Variants in RSRC2 observed in about 807,000 individuals in gnomAD.
RSRC2 encodes the protein arginine and serine rich coiled-coil 2.
Under a neutral mutation model 61.3 loss-of-function variants are expected in RSRC2, and 5 were observed. The ratio of observed to expected loss-of-function variants is 0.08; its 90% CI spans 0.04 to 0.17. RSRC2 has a LOEUF of 0.17. RSRC2 is among the 10% of genes least tolerant of loss of function. RSRC2 has a pLI of 1.00. For missense variants in RSRC2, 381 were observed against 518.8 expected, an observed-to-expected ratio of 0.73 and a Z score of 2.58; for synonymous variants, 202 against 166.5, an observed-to-expected ratio of 1.21 and a Z score of -1.64.
chr12:122,526,748 C>T (rs1960577071), intron 1 of RSRC2, 100 bp downstream of exon 1: 13 of 1,392,724 alleles, frequency 9.3e-6, no homozygotes, highest in South Asian at 9.3e-5. Flanking sequence ...GCCATTTTGT[C>T]TACACACATA....
In RSRC2 at chr12:122,514,509, G is replaced by A. The variant is rs949121457; in HGVS notation, c.725+596C>T. 18 of 749,290 alleles carry A rather than the reference G, an allele frequency of 2.4e-5. No homozygotes were observed. The African/African-American group carries it at 2.7e-4, about 11-fold the overall frequency. 46.4% of individuals were successfully genotyped at this position (749,290 alleles called of 1,614,324 possible). The stretch of plus-strand genomic sequence containing the variant: ...CCCAACTCCTGACCTCAAGTGATCC[G>A]CCCGCCTCGGCCTCCCAAAATGCCG... On this transcript the variant is annotated intron_variant, in intron 6 of 9. Transcript: ENST00000331738.
At chr12:122,512,340 T>C (rs1263101509) in intron 6 of RSRC2, among the ~76,000 whole-genome samples, 2 of 152,180 alleles carry the variant, frequency 1.3e-5, no homozygotes, top group Non-Finnish European at 2.9e-5. Context: ...CTCTGTAATG[T>C]GGTATAAAGG....
Position 122,519,001 on chromosome 12 carries a change from G to A in RSRC2, c.236C>T (p.Ser79Phe), listed in dbSNP as rs1959128425. 6.2e-7 allele frequency: 1 copy of A among 1,613,514 alleles called. No homozygotes were observed. ...EGRRHESKDKSSKKHKSEEHN... is the reference protein window; with the variant it reads ...EGRRHESKDKFSKKHKSEEHN... ...TTCCTCAGACTTATGTTTCTTAGAGGATTTATCTTTGGATTCATGTCTTCT... is the reference window on the plus strand; with the variant it reads ...TTCCTCAGACTTATGTTTCTTAGAGAATTTATCTTTGGATTCATGTCTTCT... The change falls in exon 4 of 10, where the codon TCC (serine) becomes TTC (phenylalanine). Residue 79 changes from serine to phenylalanine, a missense_variant. Coordinates refer to ENST00000331738, the MANE Select transcript of RSRC2 (RefSeq NM_023012.6).
intron 6 of RSRC2, among the ~76,000 whole-genome samples, chr12:122,514,125 GATTTT>G (rs1413338375): frequency 1.3e-5 from 2 of 152,064 alleles, no homozygotes; most frequent in African/African-American, 4.8e-5. Flanking sequence ...CAAGTGCTTG[GATTTT>G]ATTTTACTTT....
Position 122,514,271 on chromosome 12 carries a change from T to TG in RSRC2, c.725+833_725+834insC, listed in dbSNP as rs1207625329. Reference sequence around the variant, plus strand: ...ATTTTTGTGTGTGTGTGTGTGTGTGTTTTTTTTTTTTGAGACTGAGTCTCG... The same window carrying TG: ...ATTTTTGTGTGTGTGTGTGTGTGTGTGTTTTTTTTTTTGAGACTGAGTCTCG... On this transcript the variant is annotated intron_variant, in intron 6 of 9. Coordinates refer to ENST00000331738, the MANE Select transcript of RSRC2 (RefSeq NM_023012.6). Among the ~76,000 whole-genome samples, 12 of 97,972 alleles carry TG rather than the reference T, an allele frequency of 1.2e-4. 1 individual carries two copies. The South Asian group carries it at 3.3e-3, about 27-fold the overall frequency. The allele number at this position is 97,972 out of a possible 152,430, so 64.3% of individuals were successfully genotyped here.
rs1224722725 is a variant in RSRC2, at chr12:122,522,266, C to G, written c.40G>C (p.Glu14Gln). The part of the protein sequence containing the change: ...SDTERDGLAP[E>Q]KTSPDRDKKK... Reference sequence around the variant, plus strand: ...TTATCTCTATCTGGTGATGTCTTTTCTGGGGCTAGTCCATCTCGCTCTGTA... The same window carrying G: ...TTATCTCTATCTGGTGATGTCTTTTGTGGGGCTAGTCCATCTCGCTCTGTA... Residue 14 changes from glutamate to glutamine, a missense_variant, in exon 2 of 10, where the codon GAA (glutamate) becomes CAA (glutamine). Physicochemically the swap from Glu to Gln is conservative, Grantham distance 29. Around this residue, in one of 4 missense-constraint regions of RSRC2, gnomAD observed 266 missense variants for 270.5 expected, o/e 0.98. Coordinates refer to ENST00000331738, the MANE Select transcript of RSRC2 (RefSeq NM_023012.6). 6.2e-7 allele frequency: 1 copy of G among 1,613,430 alleles called. No individual in the cohort carries two copies. The highest frequency in any genetic ancestry group is 1.1e-5 in the South Asian group (1 of 90,970).
At chr12:122,507,855 GGCA>G in intron 8 of RSRC2, 10 of 269,354 alleles carry the variant, frequency 3.7e-5, no homozygotes, top group East Asian at 1.8e-4. Flanking sequence ...CTGGCTAAGT[GGCA>G]TGATCTTGGC....
intron 3 of RSRC2, chr12:122,520,447 C>T (rs1365185766): frequency 5.8e-5 from 57 of 985,916 alleles, no homozygotes; most frequent in Non-Finnish European, 8.1e-5. Context: ...CATTAAAACC[C>T]TTAACTGATT....
Position 122,521,391 on chromosome 12 carries a change from G to GCTT in RSRC2, c.198_200dup (p.Arg66dup). On this transcript the variant is annotated inframe_insertion, in exon 3 of 10. Transcript: ENST00000331738. ...ACTACAAAGTGTTAATTACCTCTTT[G>GCTT]CTTCTGCTCCGGCTCCTGTGTTTTC... 6.2e-7 allele frequency: 1 copy of GCTT among 1,611,152 alleles called. No homozygotes were observed. Among genetic ancestry groups the GCTT allele is most frequent in the East Asian group, 2.2e-5 (1 of 44,818 alleles).
At chr12:122,516,656 G>C (rs143169613) in intron 5 of RSRC2, among the ~76,000 whole-genome samples, 31 of 152,290 alleles carry the variant, frequency 2.0e-4, no homozygotes, top group African/African-American at 7.0e-4. Context: ...AGTTATTTGT[G>C]ATAATAAAAT....
Position 122,519,345 on chromosome 12 carries a change from A to G in RSRC2, c.208-316T>C, listed in dbSNP as rs1309910052. On this transcript the variant is annotated intron_variant, in intron 3 of 9. Transcript: ENST00000331738. Reference sequence around the variant, plus strand: ...CCCTTATGTTTATCTAAAAGAATACAGACCATGTATATACATCAACTTCTA... The same window carrying G: ...CCCTTATGTTTATCTAAAAGAATACGGACCATGTATATACATCAACTTCTA... 5 of 279,736 alleles carry G rather than the reference A, an allele frequency of 1.8e-5. No individual in the cohort carries two copies. The East Asian group carries it at 4.1e-4, about 23-fold the overall frequency. The allele number at this position is 279,736 out of a possible 1,614,324, so 17.3% of individuals were successfully genotyped here. A position where few individuals can be genotyped will look rare whatever the true frequency, so the allele number is the denominator to read the frequency against.
At chr12:122,515,061 AT>A (rs767582217) in intron 6 of RSRC2, 43 bp downstream of exon 6, 1 of 1,595,288 alleles carries the variant, frequency 6.3e-7, no homozygotes, top group South Asian at 1.1e-5. Context: ...TTGAGCATTT[AT>A]TTAAAGGCGA....
chr12:122,510,122 T>G (rs973935655), intron 7 of RSRC2, among the ~76,000 whole-genome samples: 4 of 152,130 alleles, frequency 2.6e-5, no homozygotes, highest in African/African-American at 9.7e-5. Context: ...GAGCCAGGCC[T>G]GATAATTTTT....
intron 8 of RSRC2, 178 bp downstream of exon 8, chr12:122,508,040 C>T (rs368629852): frequency 3.0e-6 from 2 of 669,002 alleles, no homozygotes; most frequent in Non-Finnish European, 2.7e-6. Context: ...CTTACCTCAA[C>T]TGATCCGCTC....
At position 122,518,872 on chromosome 12, in the gene RSRC2, C is replaced by T; in HGVS notation, c.365G>A (p.Gly122Asp). 10 of 1,614,038 alleles carry T rather than the reference C, an allele frequency of 6.2e-6. No homozygotes were observed. The highest frequency in any genetic ancestry group is 7.6e-6 in the Non-Finnish European group (9 of 1,179,974). Residue 122 changes from glycine to aspartate, a missense_variant, in exon 4 of 10, where the codon GGC (glycine) becomes GAC (aspartate). Transcript: ENST00000331738. ...AGACCTAGATCTTGAGTGACTTCTG[C>T]CTCTTGATGACTTTCTTTCTTTGCG... ...HKRKERKSSRGRSHSRSRSRE... is the reference protein window; with the variant it reads ...HKRKERKSSRDRSHSRSRSRE...
At chr12:122,512,744 A>G (rs1400470262) in intron 6 of RSRC2, among the ~76,000 whole-genome samples, 2 of 147,528 alleles carry the variant, frequency 1.4e-5, no homozygotes, top group Non-Finnish European at 2.9e-5. Flanking sequence ...AAAAAAGAGG[A>G]AAAGGAAAAA....
At chr12:122,514,288 T>C (rs1958747988) in intron 6 of RSRC2, among the ~76,000 whole-genome samples, 1 of 143,978 alleles carries the variant, frequency 6.9e-6, no homozygotes, top group Non-Finnish European at 1.5e-5. Flanking sequence ...TTTTTGAGAC[T>C]GAGTCTCGCT....
At chr12:122,513,998 C>A (rs1243065132) in intron 6 of RSRC2, 2 of 155,184 alleles carry the variant, frequency 1.3e-5, no homozygotes, top group African/African-American at 4.8e-5. Flanking sequence ...TGTGCCACTG[C>A]ACTCCAGCCT....
intron 6 of RSRC2, chr12:122,513,637 A>C (rs1319742073): frequency 4.8e-6 from 1 of 208,794 alleles, no homozygotes; most frequent in Non-Finnish European, 8.3e-6. Context: ...CCAATTTTAT[A>C]GTAAATTATT....
Sources: allele counts gnomAD v4.1 joint callset (sites outside exome capture counted in the v4.1 genomes callset), GRCh38; gene constraint gnomAD v4.1.1; regional missense constraint gnomAD v4.1.1; transcripts MANE v1.5; gene names NCBI Gene and HGNC (gene_info 2026-07-23, HGNC 2026-07-21).